BRD10: variants seen among roughly 807,000 people sequenced by gnomAD.
The protein encoded by BRD10 is bromodomain containing 10.
the BRD10 span, among the ~76,000 whole-genome samples, chr9:5,978,335 G>A: frequency 2.0e-5 from 3 of 146,650 alleles, 1 homozygote; most frequent in Admixed American, 1.4e-4. Flanking sequence ...TACCATGTGT[G>A]ACAACACAAA....
chr9:5,921,638 C>T, the BRD10 span: 1 of 1,613,952 alleles, frequency 6.2e-7, no homozygotes, highest in Non-Finnish European at 8.5e-7. Flanking sequence ...TGCTTCTGAC[C>T]TTGTAACAGG....
At chr9:5,997,647 A>C in the BRD10 span, among the ~76,000 whole-genome samples, 1 of 152,210 alleles carries the variant, frequency 6.6e-6, no homozygotes, top group Non-Finnish European at 1.5e-5. Context: ...ATTCAAAATA[A>C]TGGAGAAAGT....
the BRD10 span, among the ~76,000 whole-genome samples, chr9:5,927,940 C>T: frequency 6.6e-6 from 1 of 152,144 alleles, no homozygotes; most frequent in Non-Finnish European, 1.5e-5. Flanking sequence ...TCCAGACTCC[C>T]TTGAACTCAG....
At chr9:6,007,498 A>C in the BRD10 span, 2 of 1,612,366 alleles carry the variant, frequency 1.2e-6, no homozygotes, top group Non-Finnish European at 1.7e-6. Context: ...GGGGGCGGTG[A>C]GGCCCCGGTG....
At chr9:5,962,062 T>C in the BRD10 span, among the ~76,000 whole-genome samples, 1 of 152,166 alleles carries the variant, frequency 6.6e-6, no homozygotes, top group East Asian at 1.9e-4. Flanking sequence ...TTCTTTTAAT[T>C]GTGATGTTAG....
the BRD10 span, among the ~76,000 whole-genome samples, chr9:5,953,062 T>C: frequency 6.6e-6 from 1 of 152,170 alleles, no homozygotes; most frequent in Non-Finnish European, 1.5e-5. Context: ...GTTAGTAACT[T>C]CCATAAAAAC....
the BRD10 span, chr9:5,968,078 T>A: frequency 6.4e-7 from 1 of 1,559,404 alleles, no homozygotes; most frequent in South Asian, 1.2e-5. Context: ...ATTCTGGATC[T>A]CAGGTTTGTA....
At chr9:5,951,393 T>C in the BRD10 span, among the ~76,000 whole-genome samples, 1 of 152,050 alleles carries the variant, frequency 6.6e-6, no homozygotes, top group Non-Finnish European at 1.5e-5. Context: ...TTTCTGTCAA[T>C]TTAAAGAAGA....
chr9:5,917,611 A>G, the BRD10 span, among the ~76,000 whole-genome samples: 1 of 152,248 alleles, frequency 6.6e-6, no homozygotes, highest in South Asian at 2.1e-4. Flanking sequence ...AGGTGGGCAG[A>G]TCACCTGAGG....
the BRD10 span, among the ~76,000 whole-genome samples, chr9:5,908,335 A>G: frequency 6.6e-6 from 1 of 152,252 alleles, no homozygotes; most frequent in East Asian, 1.9e-4. Context: ...GTGTCTATAA[A>G]TAGCATTCAA....
At chr9:5,947,667 A>G in the BRD10 span, among the ~76,000 whole-genome samples, 1 of 152,102 alleles carries the variant, frequency 6.6e-6, no homozygotes, top group Non-Finnish European at 1.5e-5. Flanking sequence ...ATAAAACTGA[A>G]TAGGAACACA....
chr9:5,906,431 T>C, the BRD10 span, among the ~76,000 whole-genome samples: 2 of 152,256 alleles, frequency 1.3e-5, no homozygotes, highest in African/African-American at 4.8e-5. Context: ...TACAAGGTTC[T>C]GACCTATGTT....
chr9:5,936,508 T>A, the BRD10 span, among the ~76,000 whole-genome samples: 1 of 152,206 alleles, frequency 6.6e-6, no homozygotes, highest in Non-Finnish European at 1.5e-5. Context: ...TTTAAAGTAG[T>A]GGAACATCCA....
At chr9:6,000,109 G>A in the BRD10 span, among the ~76,000 whole-genome samples, 1 of 152,040 alleles carries the variant, frequency 6.6e-6, no homozygotes, top group Non-Finnish European at 1.5e-5. Context: ...AAACTACCTA[G>A]GATCTTTCTA....
At chr9:5,979,153 C>G in the BRD10 span, among the ~76,000 whole-genome samples, 3 of 152,040 alleles carry the variant, frequency 2.0e-5, no homozygotes, top group African/African-American at 7.2e-5. Context: ...TGTTTCAATT[C>G]CAGTGATTTC....
chr9:5,920,909 G>A, the BRD10 span: 1 of 1,613,900 alleles, frequency 6.2e-7, no homozygotes. Flanking sequence ...AAGTCTATTT[G>A]ACAAAATAGG....
At chr9:5,897,561 G>T in the BRD10 span, 14 of 1,613,862 alleles carry the variant, frequency 8.7e-6, no homozygotes, top group Non-Finnish European at 2.5e-6. Context: ...GGCCAGGGCC[G>T]CTGGGATCGG....
chr9:5,915,298 G>C, the BRD10 span, among the ~76,000 whole-genome samples: 5 of 151,744 alleles, frequency 3.3e-5, no homozygotes, highest in Non-Finnish European at 5.9e-5. Flanking sequence ...CCTGTCTTTA[G>C]TCAGGTGAAT....
At chr9:5,965,364 T>C in the BRD10 span, among the ~76,000 whole-genome samples, 1 of 152,192 alleles carries the variant, frequency 6.6e-6, no homozygotes, top group African/African-American at 2.4e-5. Context: ...TTTCTTTTCT[T>C]CAAGACTTTC....
Sources: gnomAD v4.1 joint callset for allele counts (sites outside exome capture counted in the v4.1 genomes callset) on GRCh38, gnomAD v4.1.1 for gene constraint, MANE v1.5 for transcripts, NCBI Gene and HGNC (gene_info 2026-07-23, HGNC 2026-07-21) for gene names.